Variants in MSL1 observed in about 807,000 individuals in gnomAD.
The protein encoded by MSL1 is MSL complex subunit 1, also known as male-specific lethal 1 homolog.
A neutral mutation model predicts 64.6 loss-of-function variants in MSL1; 21 were observed. The observed-to-expected ratio is 0.33, with a 90% confidence interval of 0.23 to 0.47. The LOEUF is 0.47. MSL1 is among the 20% of genes least tolerant of loss of function. The pLI is 1.00. For synonymous variants in MSL1, 339 were observed against 329.6 expected (o/e 1.03, Z -0.31); for missense variants, 664 against 793.2 (o/e 0.84, Z 1.96).
intron 6 of MSL1, 146 bp from the exon 7 acceptor site, chr17:40,133,388 C>G: frequency 9.6e-7 from 1 of 1,038,554 alleles, no homozygotes; most frequent in South Asian, 1.7e-5. Context: ...TCTCCCTTAA[C>G]AAGGCAGTCA....
rs1988488960 is a variant in MSL1 at position 40,133,820 on chromosome 17, C to T, written c.1682-7C>T. ...CTAATACGCTCCCGTTTGACTTTCT[C>T]CCATAGTTGAAAGTTTGATGATTAC... On this transcript the variant is annotated splice_region_variant and splice_polypyrimidine_tract_variant and intron_variant, in intron 7 of 8. Coordinates refer to ENST00000398532, the MANE Select transcript of MSL1 (RefSeq NM_001365919.1). 1.4e-5 allele frequency: 23 copies of T among 1,613,520 alleles called. No individual in the cohort carries two copies. Among genetic ancestry groups the T allele is most frequent in the Non-Finnish European group, 1.8e-5 (21 of 1,179,596 alleles).
At position 40,132,108 on chromosome 17, in the gene MSL1, C is replaced by G. The variant is rs757775370; in HGVS notation, c.1488+10C>G. On this transcript the variant is annotated intron_variant, in intron 5 of 8. Coordinates refer to ENST00000398532, the MANE Select transcript of MSL1 (RefSeq NM_001365919.1). ...TTCAGACCTTTTGGAGGTAGGTAAC[C>G]AAGAGCACTCAATTGAAGAGAGTAA... 1.3e-6 allele frequency: 2 copies of G among 1,579,906 alleles called. No individual in the cohort carries two copies. Among genetic ancestry groups the G allele is most frequent in the East Asian group, 4.5e-5 (2 of 44,454 alleles).
chr17:40,122,510 G>T lies in MSL1; in HGVS notation c.-103G>T. Reference sequence around the variant, plus strand: ...GCCTGCTGCCGCGCTGCTGAGGCGAGCCCGCCAAACTCCCCTCCCCCCCCT... The same window carrying T: ...GCCTGCTGCCGCGCTGCTGAGGCGATCCCGCCAAACTCCCCTCCCCCCCCT... On this transcript the variant is annotated 5_prime_UTR_variant, in exon 1 of 9. Transcript: ENST00000398532. This position sits in a 1 kb window ranked among gnomAD's most constrained non-coding sequence, Gnocchi z 4.2. The T allele has an allele frequency of 1.2e-6, 1 of 845,828 alleles. No individual in the cohort carries two copies. The highest frequency in any genetic ancestry group is 1.6e-6 in the Non-Finnish European group (1 of 607,856). The allele number at this position is 845,828 out of a possible 1,614,324, so 52.4% of individuals were successfully genotyped here. A position where few individuals can be genotyped will look rare whatever the true frequency, so the allele number is the denominator to read the frequency against.
chr17:40,134,199 G>T, intron 8 of MSL1, 80 bp from the exon 9 acceptor site: 1 of 1,234,002 alleles, frequency 8.1e-7, no homozygotes, highest in South Asian at 1.3e-5. Context: ...GGGACATAGT[G>T]ACTTTTTTGT....
At position 40,134,742 on chromosome 17, in the gene MSL1, G is replaced by A. The variant is rs1988508411; in HGVS notation, c.*373G>A. 5.0e-6 allele frequency: 1 copy of A among 199,266 alleles called. No homozygotes were observed. The allele number at this position is 199,266 out of a possible 1,614,324, so 12.3% of individuals were successfully genotyped here. A position where few individuals can be genotyped will look rare whatever the true frequency, so the allele number is the denominator to read the frequency against. On this transcript the variant is annotated 3_prime_UTR_variant, in exon 9 of 9. Coordinates refer to ENST00000398532, the MANE Select transcript of MSL1 (RefSeq NM_001365919.1). ...AAGCAGCCCCTTCCTTTAGAGCTGTGCCTGCATGGCACTCTTCTCACCCTG... is the reference window on the plus strand; with the variant it reads ...AAGCAGCCCCTTCCTTTAGAGCTGTACCTGCATGGCACTCTTCTCACCCTG...
At chr17:40,132,758 T>A (rs187196262) in intron 5 of MSL1, among the ~76,000 whole-genome samples, 2,297 of 152,112 alleles carry the variant, frequency 0.015, 79 homozygotes, top group African/African-American at 0.052. Context: ...GCAGGGAGGG[T>A]TTATGACAGT....
chr17:40,130,375 C>G (rs1418115856), intron 3 of MSL1: 1 of 152,012 alleles, frequency 6.6e-6, no homozygotes, highest in African/African-American at 2.4e-5. Flanking sequence ...GGTCTTCATT[C>G]CCTTTTTTTT....
chr17:40,126,078 C>T, intron 1 of MSL1, 105 bp from the exon 2 acceptor site: 1 of 945,616 alleles, frequency 1.1e-6, no homozygotes, highest in Admixed American at 2.3e-5. Flanking sequence ...TTGATGTGGT[C>T]CATAGAAAGA....
In MSL1 at chr17:40,123,348, G is replaced by A; in HGVS notation, c.736G>A (p.Glu246Lys). 6.5e-7 allele frequency: 1 copy of A among 1,536,492 alleles called. No homozygotes were observed. Among genetic ancestry groups the A allele is most frequent in the African/African-American group, 1.4e-5 (1 of 73,170 alleles). The change falls in exon 1 of 9, where the codon GAG (glutamate) becomes AAG (lysine). Residue 246 changes from glutamate to lysine, a missense_variant. Physicochemically the swap from Glu to Lys is moderately conservative, Grantham distance 56. Transcript: ENST00000398532. Reference protein sequence around the residue: ...QQQQLQAKEKEIEELKSERDT... With the variant: ...QQQQLQAKEKKIEELKSERDT... ...GCAGCAGCTGCAGGCCAAGGAAAAG[G>A]AGATCGAGGAGCTGAAGTCAGAGAG...
chr17:40,123,164 G>T lies in MSL1; in HGVS notation c.552G>T (p.Ala184=). The change falls in exon 1 of 9, where the codon GCG becomes GCT. Residue 184 remains alanine, a synonymous_variant. Coordinates refer to ENST00000398532, the MANE Select transcript of MSL1 (RefSeq NM_001365919.1). ...PLPLPGPPPL[A]PTATAGTLAA... ...CTCTGCCCGGGCCGCCACCCCTCGCGCCCACCGCCACCGCCGGGACCCTGG... is the reference window on the plus strand; with the variant it reads ...CTCTGCCCGGGCCGCCACCCCTCGCTCCCACCGCCACCGCCGGGACCCTGG... The T allele has an allele frequency of 6.5e-7, 1 of 1,534,340 alleles. No individual in the cohort carries two copies. Among genetic ancestry groups the T allele is most frequent in the East Asian group, 2.5e-5 (1 of 40,808 alleles).
chr17:40,132,489 T>G (rs1381413275), intron 5 of MSL1, among the ~76,000 whole-genome samples: 2 of 151,676 alleles, frequency 1.3e-5, no homozygotes, highest in Non-Finnish European at 2.9e-5. Flanking sequence ...AATACAAAAA[T>G]TAGCCGGGCG....
chr17:40,133,999 T>C, intron 8 of MSL1, 100 bp downstream of exon 8: 2 of 1,070,054 alleles, frequency 1.9e-6, no homozygotes, highest in South Asian at 2.6e-5. Context: ...GGCTTAGGGA[T>C]AGCCATGGGT....
intron 1 of MSL1, among the ~76,000 whole-genome samples, chr17:40,125,405 C>G (rs901716915): frequency 6.6e-6 from 1 of 152,182 alleles, no homozygotes; most frequent in Non-Finnish European, 1.5e-5. Context: ...TTCCTGGTGG[C>G]ACTGTATGAG....
At position 40,133,801 on chromosome 17, in the gene MSL1, C is replaced by T. The variant is rs774862245; in HGVS notation, c.1682-26C>T. 29 of 1,612,028 alleles carry T rather than the reference C, an allele frequency of 1.8e-5. No individual in the cohort carries two copies. The Middle Eastern group carries it at 6.6e-4, about 37-fold the overall frequency. On this transcript the variant is annotated intron_variant, in intron 7 of 8. Coordinates refer to ENST00000398532, the MANE Select transcript of MSL1 (RefSeq NM_001365919.1). Reference sequence around the variant, plus strand: ...ACATTTCCCATCTGTATTACTAATACGCTCCCGTTTGACTTTCTCCCATAG... The same window carrying T: ...ACATTTCCCATCTGTATTACTAATATGCTCCCGTTTGACTTTCTCCCATAG...
intron 2 of MSL1, among the ~76,000 whole-genome samples, chr17:40,127,153 G>A (rs1051772594): frequency 2.6e-5 from 4 of 151,836 alleles, no homozygotes; most frequent in East Asian, 1.9e-4. Flanking sequence ...GATCGCTTGC[G>A]CCCAGGAGTT....
Position 40,122,398 on chromosome 17 carries a change from G to T in MSL1, c.-215G>T. The T allele has an allele frequency of 3.0e-6, 1 of 330,418 alleles. No homozygotes were observed. The allele number at this position is 330,418 out of a possible 1,614,324, so 20.5% of individuals were successfully genotyped here. On this transcript the variant is annotated 5_prime_UTR_variant, in exon 1 of 9. Transcript: ENST00000398532. The surrounding 1 kb of genome is among the most constrained non-coding windows in gnomAD (Gnocchi z 4.2). Reference sequence around the variant, plus strand: ...AGAGGCGGCGGCGAGGCCCCCATGGGCCGGCGGCGGGCCTCAGCCGCGGCC... The same window carrying T: ...AGAGGCGGCGGCGAGGCCCCCATGGTCCGGCGGCGGGCCTCAGCCGCGGCC...
At position 40,131,309 on chromosome 17, in the gene MSL1, A is replaced by C; in HGVS notation, c.1376-228A>C. 2.2e-6 allele frequency: 1 copy of C among 454,360 alleles called. No individual in the cohort carries two copies. 28.1% of individuals were successfully genotyped at this position (454,360 alleles called of 1,614,324 possible). ...TGCAGGGAAACCACCCTAAATAATGAAGAAAAGAAGTCGTCTCAGTGTAAA... is the reference window on the plus strand; with the variant it reads ...TGCAGGGAAACCACCCTAAATAATGCAGAAAAGAAGTCGTCTCAGTGTAAA... On this transcript the variant is annotated intron_variant, in intron 3 of 8. Coordinates refer to ENST00000398532, the MANE Select transcript of MSL1 (RefSeq NM_001365919.1). This position sits in a 1 kb window ranked among gnomAD's most constrained non-coding sequence, Gnocchi z 4.5.
rs778419786 is a variant in MSL1, at chr17:40,132,010, CTTTT to C, written c.1424-22_1424-19del. On this transcript the variant is annotated intron_variant, in intron 4 of 8. Coordinates refer to ENST00000398532, the MANE Select transcript of MSL1 (RefSeq NM_001365919.1). The stretch of plus-strand genomic sequence containing the variant: ...GGGTGGTTCCACCCCTCCTCCCTTT[CTTTT>C]TCTCTCTCTTTTTTTTCAGTTCCTT... The C allele has an allele frequency of 4.9e-5, 77 of 1,557,840 alleles. No individual in the cohort carries two copies. Among genetic ancestry groups the C allele is most frequent in the Non-Finnish European group, 5.6e-5 (64 of 1,147,776 alleles).
At chr17:40,133,714 G>A (rs969995864) in intron 7 of MSL1, 56 bp downstream of exon 7, 13 of 1,611,524 alleles carry the variant, frequency 8.1e-6, no homozygotes, top group Non-Finnish European at 1.1e-5. Flanking sequence ...AGGGTGCAAG[G>A]CTCCAGGGTA....
Sources: gnomAD v4.1 joint callset for allele counts (sites outside exome capture counted in the v4.1 genomes callset) on GRCh38, gnomAD v4.1.1 for gene constraint, Gnocchi (gnomAD v3.1) non-coding constraint, MANE v1.5 for transcripts, NCBI Gene and HGNC (gene_info 2026-07-23, HGNC 2026-07-21) for gene names.